Variants in NPLOC4 observed in about 807,000 individuals in gnomAD.
The protein encoded by NPLOC4 is NPL4 homolog, ubiquitin recognition factor.
A neutral mutation model predicts 80.6 loss-of-function variants in NPLOC4; 18 were observed. That is an observed-to-expected ratio of 0.22 (90% CI 0.15 to 0.33). NPLOC4 has a LOEUF of 0.33. Ranked by LOEUF, NPLOC4 falls within the 10% of genes least tolerant of loss-of-function variation. The pLI, the probability that NPLOC4 is intolerant of heterozygous loss-of-function variation, is 1.00. For synonymous variants in NPLOC4, 313 were observed against 301.5 expected, an observed-to-expected ratio of 1.04 and a Z score of -0.39; for missense variants, 540 against 786.1, an observed-to-expected ratio of 0.69 and a Z score of 3.74.
chr17:81,581,060 A>C (rs2034424955), intron 12 of NPLOC4, among the ~76,000 whole-genome samples: 2 of 152,186 alleles, frequency 1.3e-5, no homozygotes, highest in Admixed American at 1.3e-4. Flanking sequence ...AGATTTTAAA[A>C]CACAGTAAGG....
At chr17:81,574,664 G>A (rs945113001) in intron 12 of NPLOC4, among the ~76,000 whole-genome samples, 6 of 152,168 alleles carry the variant, frequency 3.9e-5, no homozygotes, top group African/African-American at 9.7e-5. Context: ...AAGCAGTGGC[G>A]CCAAGGTCTT....
intron 8 of NPLOC4, among the ~76,000 whole-genome samples, chr17:81,601,328 C>A (rs2035051929): frequency 6.6e-6 from 1 of 152,188 alleles, no homozygotes; most frequent in South Asian, 2.1e-4. Context: ...GTCATTAATA[C>A]CTCCAGAACG....
intron 13 of NPLOC4, among the ~76,000 whole-genome samples, chr17:81,570,814 C>T (rs2034143057): frequency 6.6e-6 from 1 of 152,216 alleles, no homozygotes; most frequent in African/African-American, 2.4e-5. Context: ...CACCTGCTCT[C>T]AAGGACTCCC....
intron 6 of NPLOC4, among the ~76,000 whole-genome samples, chr17:81,608,437 G>A (rs1038315103): frequency 7.9e-5 from 12 of 152,164 alleles, no homozygotes; most frequent in South Asian, 2.1e-4. Flanking sequence ...TTGGCCAGGC[G>A]AGGTGGCTCA....
chr17:81,636,974 G>T lies in NPLOC4; in HGVS notation c.-44C>A. 4 of 1,231,806 alleles carry T rather than the reference G, an allele frequency of 3.2e-6. No homozygotes were observed. The highest frequency in any genetic ancestry group is 4.1e-6 in the Non-Finnish European group (4 of 979,068). 76.3% of individuals were successfully genotyped at this position (1,231,806 alleles called of 1,614,324 possible). On this transcript the variant is annotated 5_prime_UTR_variant, in exon 1 of 17. Transcript: ENST00000331134. ...CGGGCTCGAGCCCCGGGCCGCCGCCGCCTGCCGCCCCAAGGGCCTCGCAGA... is the reference window on the plus strand; with the variant it reads ...CGGGCTCGAGCCCCGGGCCGCCGCCTCCTGCCGCCCCAAGGGCCTCGCAGA...
chr17:81,587,674 G>GTTTT (rs34643456), intron 12 of NPLOC4, among the ~76,000 whole-genome samples: 8 of 93,408 alleles, frequency 8.6e-5, no homozygotes, highest in Non-Finnish European at 9.6e-5. Flanking sequence ...GAAAAAAGTT[G>GTTTT]TTTTTTTTTT....
chr17:81,614,809 A>G (rs1397444911), intron 3 of NPLOC4, among the ~76,000 whole-genome samples: 3 of 152,180 alleles, frequency 2.0e-5, no homozygotes, highest in Admixed American at 1.3e-4. Flanking sequence ...ATGGCTGCCA[A>G]CACTAACCCT....
intron 3 of NPLOC4, among the ~76,000 whole-genome samples, chr17:81,619,537 T>C (rs1396899007): frequency 9.7e-6 from 1 of 102,876 alleles, no homozygotes; most frequent in East Asian, 2.7e-4. Flanking sequence ...GCAACAAGAA[T>C]GAAACTCTGT....
At chr17:81,574,087 C>G (rs2034229565) in intron 12 of NPLOC4, among the ~76,000 whole-genome samples, 1 of 152,242 alleles carries the variant, frequency 6.6e-6, no homozygotes, top group Non-Finnish European at 1.5e-5. Flanking sequence ...AAAATCAAAT[C>G]CAGTCAAACT....
chr17:81,635,237 G>A (rs1469085198), intron 1 of NPLOC4, among the ~76,000 whole-genome samples: 1 of 151,678 alleles, frequency 6.6e-6, no homozygotes, highest in Non-Finnish European at 1.5e-5. Context: ...CAGCTACTCG[G>A]CTGAGGCAGG....
chr17:81,571,082 C>T (rs2034149364), intron 13 of NPLOC4, among the ~76,000 whole-genome samples: 1 of 152,070 alleles, frequency 6.6e-6, no homozygotes, highest in Non-Finnish European at 1.5e-5. Context: ...AAACCAGATG[C>T]CTTCACGGCC....
chr17:81,598,394 G>GA (rs2144187054), intron 9 of NPLOC4, among the ~76,000 whole-genome samples: 1 of 152,258 alleles, frequency 6.6e-6, no homozygotes, highest in South Asian at 2.1e-4. Context: ...GAAGGTGAGT[G>GA]AAAAAGGCAC....
At chr17:81,624,797 G>A (rs538386866) in intron 2 of NPLOC4, among the ~76,000 whole-genome samples, 5 of 152,264 alleles carry the variant, frequency 3.3e-5, no homozygotes, top group East Asian at 3.9e-4. Flanking sequence ...CGCCACACGC[G>A]AGCTGGGAGA....
chr17:81,629,521 G>A (rs1353631556), intron 2 of NPLOC4, among the ~76,000 whole-genome samples: 3 of 152,046 alleles, frequency 2.0e-5, no homozygotes, highest in Non-Finnish European at 4.4e-5. Context: ...TTGGGCTCTT[G>A]GTCCTATAAT....
intron 11 of NPLOC4, among the ~76,000 whole-genome samples, chr17:81,591,397 T>C (rs954026803): frequency 1.6e-5 from 2 of 128,240 alleles, no homozygotes; most frequent in Admixed American, 9.4e-5. Context: ...ATCATACCAC[T>C]GCACTCCAGC....
At position 81,613,266 on chromosome 17, in the gene NPLOC4, C is replaced by T. The variant is rs538733440; in HGVS notation, c.386+52G>A. 6.5e-4 allele frequency: 955 copies of T among 1,468,942 alleles called. 8 individuals are homozygous for T. The highest frequency in any genetic ancestry group is 6.3e-5 in the Non-Finnish European group (68 of 1,086,922). The allele number at this position is 1,468,942 out of a possible 1,614,324, so 91.0% of individuals were successfully genotyped here. ...CATGTTATAAATATTTCCCTTTATT[C>T]ACCCATTAAGATCACCACAAGTAGG... On this transcript the variant is annotated intron_variant, in intron 4 of 16. Transcript: ENST00000331134.
chr17:81,560,174 T>C (rs919982445), intron 16 of NPLOC4, among the ~76,000 whole-genome samples: 1 of 151,680 alleles, frequency 6.6e-6, no homozygotes, highest in Non-Finnish European at 1.5e-5. Flanking sequence ...TCCCAGCACT[T>C]TGGGAGGCCG....
Position 81,559,011 on chromosome 17 carries a change from G to C in NPLOC4, c.*248C>G, listed in dbSNP as rs149661416. ...GGGGGACTTGTCAACAGGATTAGGC[G>C]TGAGGAGCCGCTCTGCGTTTCCAGT... On this transcript the variant is annotated 3_prime_UTR_variant, in exon 17 of 17. Transcript: ENST00000331134. 4 of 494,546 alleles carry C rather than the reference G, an allele frequency of 8.1e-6. No individual in the cohort carries two copies. The highest frequency in any genetic ancestry group is 1.4e-5 in the Non-Finnish European group (4 of 277,182). 30.6% of individuals were successfully genotyped at this position (494,546 alleles called of 1,614,324 possible).
chr17:81,587,721 T>A (rs1441887114), intron 12 of NPLOC4, among the ~76,000 whole-genome samples: 20 of 136,020 alleles, frequency 1.5e-4, no homozygotes, highest in African/African-American at 5.4e-4. Flanking sequence ...TTCCCCAGGC[T>A]GGAGTGCAGT....
Sources: gnomAD v4.1 joint callset for allele counts (sites outside exome capture counted in the v4.1 genomes callset) on GRCh38, gnomAD v4.1.1 for gene constraint, MANE v1.5 for transcripts, NCBI Gene and HGNC (gene_info 2026-07-23, HGNC 2026-07-21) for gene names.